KANSL1: variants seen among roughly 807,000 people sequenced by gnomAD.
KANSL1 encodes KAT8 regulatory NSL complex subunit 1, also known as MLL1/MLL complex subunit KANSL1.
Under a neutral mutation model 103.6 loss-of-function variants are expected in KANSL1, and 22 were observed. That is an observed-to-expected ratio of 0.21 (90% CI 0.15 to 0.30). KANSL1 has a LOEUF of 0.30. Among genes scored for constraint, KANSL1 ranks in the 10% least tolerant of loss-of-function variants. The pLI, the probability that KANSL1 is intolerant of heterozygous loss-of-function variation, is 1.00. For missense variants in KANSL1, 1,337 were observed against 1,399.8 expected (o/e 0.96, Z 0.72); for synonymous variants, 600 against 527.6 (o/e 1.14, Z -1.88).
At chr17:46,224,958 C>T (rs2048639318), upstream of KANSL1, 5 of 151,610 alleles carry the variant, frequency 3.3e-5, no homozygotes, top group Admixed American at 3.3e-4. Context: ...CCTTCCTCTC[C>T]GCGTCGGTCC....
At chr17:46,040,531 G>C (rs1357439044) in intron 7 of KANSL1, 2 of 152,144 alleles carry the variant, frequency 1.3e-5, no homozygotes, top group Non-Finnish European at 2.9e-5. Flanking sequence ...AATTCCTTTA[G>C]AAAAGGAATT....
intron 1 of KANSL1, among the ~76,000 whole-genome samples, chr17:46,185,087 A>G (rs2046957524): frequency 6.6e-6 from 1 of 152,154 alleles, no homozygotes; most frequent in South Asian, 2.1e-4. Context: ...TCGGCCTCCC[A>G]AAGTGCTGAG....
At chr17:46,140,066 T>A (rs762242845) in intron 2 of KANSL1, among the ~76,000 whole-genome samples, 29 of 152,170 alleles carry the variant, frequency 1.9e-4, no homozygotes, top group Non-Finnish European at 3.5e-4. Context: ...CCTTCCTCCA[T>A]CCCAACCCAT....
At chr17:46,154,475 G>A (rs1337972484) in intron 2 of KANSL1, among the ~76,000 whole-genome samples, 4 of 152,160 alleles carry the variant, frequency 2.6e-5, no homozygotes, top group Non-Finnish European at 5.9e-5. Context: ...ACAGATGGGC[G>A]TCACCACGTT....
At chr17:46,039,393 C>T in intron 8 of KANSL1, 178 bp from the exon 9 acceptor site, 2 of 622,078 alleles carry the variant, frequency 3.2e-6, no homozygotes, top group South Asian at 2.3e-5. Flanking sequence ...CACAGGGAGC[C>T]CAGAACCAGA....
At chr17:46,055,270 C>A (rs2077879882) in intron 6 of KANSL1, among the ~76,000 whole-genome samples, 1 of 151,888 alleles carries the variant, frequency 6.6e-6, no homozygotes, top group Admixed American at 6.5e-5. Flanking sequence ...TCAAGACCAG[C>A]CTGACCAACA....
At chr17:46,167,946 A>G (rs1342496769) in intron 2 of KANSL1, among the ~76,000 whole-genome samples, 1 of 152,252 alleles carries the variant, frequency 6.6e-6, no homozygotes, top group Non-Finnish European at 1.5e-5. Flanking sequence ...TCATTTAAAA[A>G]CAGCTCATTC....
intron 2 of KANSL1, among the ~76,000 whole-genome samples, chr17:46,137,379 G>A (rs1253452000): frequency 1.3e-5 from 2 of 152,084 alleles, no homozygotes; most frequent in Non-Finnish European, 2.9e-5. Flanking sequence ...ACCTATTTCT[G>A]CCCCATATTT....
intron 2 of KANSL1, among the ~76,000 whole-genome samples, chr17:46,143,103 T>G (rs1002768822): frequency 3.3e-5 from 5 of 152,236 alleles, no homozygotes; most frequent in African/African-American, 1.2e-4. Flanking sequence ...ACAGCTAAAA[T>G]ATACTCAAAC....
At chr17:46,076,898 C>T (rs558945927) in intron 4 of KANSL1, among the ~76,000 whole-genome samples, 4 of 152,242 alleles carry the variant, frequency 2.6e-5, no homozygotes, top group Non-Finnish European at 5.9e-5. Context: ...ACCTGGAGAC[C>T]TTGGCTAAAT....
chr17:46,171,662 A>G lies in KANSL1; in HGVS notation c.482T>C (p.Leu161Ser). ...ATCAGAATGTGTTGAACTTTTAGTC[A>G]ATTTCTTAGCCAACCCATTTACAGG... ...QAPVNGLAKK[L>S]TKSSTHSDHD... The change falls in exon 2 of 15, where the codon TTG (leucine) becomes TCG (serine). Residue 161 changes from leucine to serine, a missense_variant. By Grantham distance (145) the Leu-to-Ser change is moderately radical. Transcript: ENST00000432791. 6.4e-7 allele frequency: 1 copy of G among 1,552,324 alleles called. No homozygotes were observed. Among genetic ancestry groups the G allele is most frequent in the Non-Finnish European group, 8.7e-7 (1 of 1,153,764 alleles).
intron 7 of KANSL1, 123 bp downstream of exon 7, chr17:46,050,410 T>C (rs2077671014): frequency 1.0e-6 from 1 of 991,194 alleles, no homozygotes; most frequent in Admixed American, 2.8e-5. Context: ...AAGAGAAGAC[T>C]TGGTTGACGA....
rs758501595 is a variant in KANSL1 at position 46,172,069 on chromosome 17, T to C, written c.75A>G (p.Pro25=). The change falls in exon 2 of 15, where the codon CCA becomes CCG. Residue 25 remains proline, a synonymous_variant. Coordinates refer to ENST00000432791, the MANE Select transcript of KANSL1 (RefSeq NM_015443.4). ...CACTGCCAGGGGACAAGGTAGAGGA[T>C]GGGGGAGCCAGTTTGAACCGGATAT... The part of the protein sequence containing the change: ...AHHIRFKLAP[P]SSTLSPGSAE... 12 of 1,613,864 alleles carry C rather than the reference T, an allele frequency of 7.4e-6. No individual in the cohort carries two copies. The highest frequency in any genetic ancestry group is 3.3e-5 in the Admixed American group (2 of 60,014).
At chr17:46,125,762 T>C (rs2043525644) in intron 2 of KANSL1, among the ~76,000 whole-genome samples, 1 of 152,188 alleles carries the variant, frequency 6.6e-6, no homozygotes, top group Non-Finnish European at 1.5e-5. Context: ...GTGATTATGT[T>C]CACTAGTAAC....
intron 2 of KANSL1, among the ~76,000 whole-genome samples, chr17:46,104,661 T>C (rs975086474): frequency 9.2e-5 from 14 of 152,256 alleles, no homozygotes; most frequent in South Asian, 2.1e-4. Context: ...CAAATGTTTA[T>C]ATTTTAAAAA....
intron 1 of KANSL1, 44 bp from the exon 2 acceptor site, chr17:46,172,276 T>C (rs1041384525): frequency 2.2e-6 from 2 of 916,472 alleles, no homozygotes; most frequent in African/African-American, 3.6e-5. Flanking sequence ...ACAAGCACTT[T>C]TAAAAACATG....
chr17:46,058,739 A>ACTCT (rs2078028927), intron 6 of KANSL1, among the ~76,000 whole-genome samples: 1 of 30,072 alleles, frequency 3.3e-5, no homozygotes, highest in African/African-American at 8.4e-5. Flanking sequence ...ACACACACAC[A>ACTCT]CACACTCTCT....
intron 1 of KANSL1, among the ~76,000 whole-genome samples, chr17:46,210,088 A>G (rs1281967770): frequency 6.6e-6 from 1 of 152,250 alleles, no homozygotes; most frequent in East Asian, 1.9e-4. Context: ...CTCAGAAGAC[A>G]TATCAGCATG....
intron 3 of KANSL1, chr17:46,093,720 C>T (rs2079505790): frequency 6.6e-6 from 1 of 152,300 alleles, no homozygotes; most frequent in South Asian, 2.1e-4. Flanking sequence ...GTCAAAAAGG[C>T]ATTTTGACCC....
Sources: gnomAD v4.1 joint callset for allele counts (sites outside exome capture counted in the v4.1 genomes callset) on GRCh38, gnomAD v4.1.1 for gene constraint, MANE v1.5 for transcripts, NCBI Gene and HGNC (gene_info 2026-07-23, HGNC 2026-07-21) for gene names.